Variants in APC observed in about 807,000 individuals in gnomAD.
The protein encoded by APC is APC regulator of Wnt signaling pathway, also known as adenomatous polyposis coli protein.
APC carries 72 observed loss-of-function variants against 247.0 expected under a neutral mutation model. The observed-to-expected ratio is 0.29, with a 90% CI of 0.24 to 0.35. The LOEUF (loss-of-function observed/expected upper bound fraction) is 0.35, where lower values mean the gene tolerates loss of function less well. Among genes scored for constraint, APC ranks in the 10% least tolerant of loss-of-function variants. The pLI, the probability that APC is intolerant of heterozygous loss-of-function variation, is 1.00. For synonymous variants in APC, 1,254 were observed against 1,162.5 expected, an observed-to-expected ratio of 1.08 and a Z score of -1.60; for missense variants, 3,400 against 3,360.7, an observed-to-expected ratio of 1.01 and a Z score of -0.29.
At position 112,823,865 on chromosome 5, in the gene APC, A is replaced by G. The variant is rs2545159; in HGVS notation, c.1408+1874A>G. Reference sequence around the variant, plus strand: ...CACTCGTCAAACTGGATTTTCTGGCACTGTAGCAAACAGAATCTCCAGGGG... The same window carrying G: ...CACTCGTCAAACTGGATTTTCTGGCGCTGTAGCAAACAGAATCTCCAGGGG... On this transcript the variant is annotated intron_variant, in intron 11 of 15. Transcript: ENST00000257430. Among the ~76,000 whole-genome samples the G allele has an allele frequency of 0.73, 110,669 of 151,994 alleles. 41,599 individuals carry two copies. The highest frequency in any genetic ancestry group is 0.91 in the African/African-American group (37,729 of 41,494).
chr5:112,809,407 T>G (rs185708909), intron 8 of APC, among the ~76,000 whole-genome samples: 1 of 151,934 alleles, frequency 6.6e-6, no homozygotes, highest in East Asian at 1.9e-4. Context: ...GATTTGGAAT[T>G]GAGAGGAAAG....
At position 112,839,448 on chromosome 5, in the gene APC, A is replaced by G. The variant is rs1421153376; in HGVS notation, c.3854A>G (p.Asp1285Gly). 1 of 1,614,196 alleles carries G rather than the reference A, an allele frequency of 6.2e-7. No homozygotes were observed. The change falls in exon 16 of 16, where the codon GAT (aspartate) becomes GGT (glycine). Residue 1285 changes from aspartate (D) to glycine (G), a missense_variant. By Grantham distance (94) the Asp-to-Gly change is moderately conservative (BLOSUM62 -1). Transcript: ENST00000257430. This position sits in a 1 kb window ranked among gnomAD's most constrained non-coding sequence, Gnocchi z 5.0. ...TTATCATCTTTGTCATCAGCTGAAG[A>G]TGAAATAGGATGTAATCAGACGACA... is the stretch of plus-strand genomic sequence containing the variant. Reference protein sequence around the residue: ...SSLSSLSSAEDEIGCNQTTQE... With the variant: ...SSLSSLSSAEGEIGCNQTTQE...
At chr5:112,818,855 G>GGGTGTTTTGTTTTTTTAGAGT in intron 9 of APC, 111 bp from the exon 10 acceptor site, 2 of 1,118,296 alleles carry the variant, frequency 1.8e-6, no homozygotes, top group East Asian at 2.6e-5. Context: ...GGCGGGGGGG[G>GGGTGTTTTGTTTTTTTAGAGT]TTGTTTTGTT....
rs760770847 is a variant in APC, at chr5:112,767,255, A to G, written c.287A>G (p.Tyr96Cys). Residue 96 changes from tyrosine to cysteine, a missense_variant, in exon 4 of 16, where the codon TAT becomes TGT. Tyr to Cys is a radical substitution (Grantham distance 194). This residue lies in a region of APC where 372 missense variants were observed against 367.6 expected (regional missense o/e 1.01). Coordinates refer to ENST00000257430, the MANE Select transcript of APC (RefSeq NM_000038.6). ...CGGTCAAAAATGTCCCTCCGTTCTT[A>G]TGGAAGCCGGGAAGGATCTGTATCA... Reference protein sequence around the residue: ...KLRSKMSLRSYGSREGSVSSR... With the variant: ...KLRSKMSLRSCGSREGSVSSR... 6.2e-6 allele frequency: 10 copies of G among 1,614,174 alleles called. 1 individual carries two copies. In the South Asian group the frequency reaches 1.1e-4, roughly 18 times the overall value.
chr5:112,778,421 G>A (rs1315398432), intron 5 of APC: 1 of 151,166 alleles, frequency 6.6e-6, no homozygotes, highest in East Asian at 1.9e-4. Context: ...GTTTAGCATG[G>A]CCCTTGCTCA....
chr5:112,765,911 T>G (rs1471901031), intron 2 of APC, among the ~76,000 whole-genome samples: 1 of 152,200 alleles, frequency 6.6e-6, no homozygotes, highest in Non-Finnish European at 1.5e-5. Context: ...AAATAGATTA[T>G]GTGTTAATTT....
At chr5:112,772,037 A>G (rs993156890) in intron 4 of APC, among the ~76,000 whole-genome samples, 1 of 152,324 alleles carries the variant, frequency 6.6e-6, no homozygotes, top group East Asian at 1.9e-4. Context: ...TACATACAGC[A>G]TTCAATAATG....
chr5:112,767,911 G>T (rs1212019589), intron 4 of APC, among the ~76,000 whole-genome samples: 1 of 152,054 alleles, frequency 6.6e-6, no homozygotes, highest in Non-Finnish European at 1.5e-5. Flanking sequence ...ATATTTATAC[G>T]TAGTTAAAAT....
chr5:112,784,307 A>T (rs568559969), intron 6 of APC, among the ~76,000 whole-genome samples: 2 of 152,326 alleles, frequency 1.3e-5, no homozygotes, highest in South Asian at 4.1e-4. Flanking sequence ...GCCTCAAGTG[A>T]TCTGCCTGCC....
At chr5:112,795,960 T>A (rs1760172268) in intron 7 of APC, among the ~76,000 whole-genome samples, 1 of 152,174 alleles carries the variant, frequency 6.6e-6, no homozygotes, top group South Asian at 2.1e-4. Flanking sequence ...TTGAGAGGAT[T>A]CCAGGAGAGA....
upstream of APC, among the ~76,000 whole-genome samples, chr5:112,733,403 A>T (rs575458867): frequency 1.7e-4 from 26 of 152,338 alleles, no homozygotes; most frequent in South Asian, 5.0e-3. Context: ...AGGTTACTTA[A>T]GAGTGGAAGA....
rs764099150 is a variant in APC at position 112,837,854 on chromosome 5, G to T, written c.2260G>T (p.Val754Phe). Reference sequence around the variant, plus strand: ...TGGCTCAAGCTTGCCATCTCTTCATGTTAGGAAACAAAAAGCCCTAGAAGC... The same window carrying T: ...TGGCTCAAGCTTGCCATCTCTTCATTTTAGGAAACAAAAAGCCCTAGAAGC... ...SPGSSLPSLH[V>F]RKQKALEAEL... The change falls in exon 16 of 16, where the codon GTT becomes TTT. Residue 754 changes from valine (V) to phenylalanine (F), a missense_variant. Val to Phe is a conservative substitution (Grantham distance 50). Around this residue, in one of 9 missense-constraint regions of APC, gnomAD observed 91 missense variants for 103.3 expected, o/e 0.88. Coordinates refer to ENST00000257430, the MANE Select transcript of APC (RefSeq NM_000038.6). 2 of 1,613,854 alleles carry T rather than the reference G, an allele frequency of 1.2e-6. No homozygotes were observed. The highest frequency in any genetic ancestry group is 1.7e-6 in the Non-Finnish European group (2 of 1,180,020).
At position 112,835,100 on chromosome 5, in the gene APC, T is replaced by C; in HGVS notation, c.1893T>C (p.Ile631=). 1 of 1,614,164 alleles carries C rather than the reference T, an allele frequency of 6.2e-7. No homozygotes were observed. The highest frequency in any genetic ancestry group is 8.5e-7 in the Non-Finnish European group (1 of 1,180,012). ...GGAGCCAGACAAACACTTTAGCCAT[T>C]ATTGAAAGTGGAGGTGGGATATTAC... ...TYRSQTNTLA[I]IESGGGILRN... is the part of the protein sequence containing the mutation. The change falls in exon 15 of 16, where the codon ATT becomes ATC. Residue 631 remains isoleucine (I), a synonymous_variant. Transcript: ENST00000257430.
At chr5:112,809,430 T>C (rs1301320147) in intron 8 of APC, among the ~76,000 whole-genome samples, 2 of 151,974 alleles carry the variant, frequency 1.3e-5, no homozygotes, top group Non-Finnish European at 2.9e-5. Context: ...AAAGAATTGG[T>C]AATTAAAGGT....
chr5:112,821,418 G>T (rs1763115755), intron 10 of APC, among the ~76,000 whole-genome samples: 1 of 151,910 alleles, frequency 6.6e-6, no homozygotes, highest in Admixed American at 6.6e-5. Flanking sequence ...GAGGCAGGAA[G>T]GTCAATTGAG....
rs1561590131 is a variant in APC, at chr5:112,839,730, A to G, written c.4136A>G (p.Glu1379Gly). ...PKSPPEHYVQ[E>G]TPLMFSRCTS... is the part of the protein sequence containing the mutation. ...AGTCCACCTGAACACTATGTTCAGGAGACCCCACTCATGTTTAGCAGATGT... is the reference window on the plus strand; with the variant it reads ...AGTCCACCTGAACACTATGTTCAGGGGACCCCACTCATGTTTAGCAGATGT... Residue 1379 changes from glutamate (E) to glycine (G), a missense_variant, in exon 16 of 16, where the codon GAG becomes GGG. Transcript: ENST00000257430. This position sits in a 1 kb window ranked among gnomAD's most constrained non-coding sequence, Gnocchi z 5.0. The G allele has an allele frequency of 6.2e-7, 1 of 1,614,016 alleles. No homozygotes were observed. Among genetic ancestry groups the G allele is most frequent in the African/African-American group, 1.3e-5 (1 of 74,922 alleles).
At position 112,800,899 on chromosome 5, in the gene APC, G is replaced by T. The variant is rs1408094367; in HGVS notation, c.730-380G>T. Among the ~76,000 whole-genome samples the T allele has an allele frequency of 2.0e-5, 3 of 152,024 alleles. No homozygotes were observed. The East Asian group carries it at 5.8e-4, about 29-fold the overall frequency. ...AAGATATTTGTAAGCTTAGGTAATA[G>T]TTTAACTGTTGTATTTGCAGCTCCA... On this transcript the variant is annotated intron_variant, in intron 7 of 15. Transcript: ENST00000257430.
chr5:112,745,407 ACACTT>A (rs1405962124), intron 1 of APC, among the ~76,000 whole-genome samples: 1 of 152,150 alleles, frequency 6.6e-6, no homozygotes, highest in African/African-American at 2.4e-5. Flanking sequence ...AAAGAGGGGA[ACACTT>A]CATACTAAAA....
In APC at chr5:112,838,033, T is replaced by A. The variant is rs1554084165; in HGVS notation, c.2439T>A (p.Asn813Lys). ...GACATGATGATAATAGGTCAGACAATTTTAATACTGGCAACATGACTGTCC... is the reference window on the plus strand; with the variant it reads ...GACATGATGATAATAGGTCAGACAAATTTAATACTGGCAACATGACTGTCC... ...TNRHDDNRSD[N>K]FNTGNMTVLS... is the part of the protein sequence containing the mutation. Residue 813 changes from asparagine (N) to lysine (K), a missense_variant, in exon 16 of 16, where the codon AAT (asparagine) becomes AAA (lysine). Asn to Lys is a moderately conservative substitution (Grantham distance 94). This residue lies in a region of APC where 715 missense variants were observed against 656.6 expected (regional missense o/e 1.09). Transcript: ENST00000257430. The A allele has an allele frequency of 1.9e-6, 3 of 1,614,146 alleles. No homozygotes were observed. The highest frequency in any genetic ancestry group is 2.5e-6 in the Non-Finnish European group (3 of 1,180,024).
Sources: gnomAD v4.1 joint callset for allele counts (sites outside exome capture counted in the v4.1 genomes callset) on GRCh38, gnomAD v4.1.1 for gene constraint, gnomAD v4.1.1 regional missense constraint, Gnocchi (gnomAD v3.1) non-coding constraint, MANE v1.5 for transcripts, NCBI Gene and HGNC (gene_info 2026-07-23, HGNC 2026-07-21) for gene names.